The following CEACAM20 variants were observed in gnomAD, a reference collection of about 807,000 sequenced individuals.
CEACAM20 encodes cell adhesion molecule CEACAM20.
In CEACAM20, 50 loss-of-function variants were observed where a neutral mutation model predicts 61.2. The ratio of observed to expected loss-of-function variants is 0.82; its 90% CI spans 0.65 to 1.03. The LOEUF is 1.03. Among genes scored for constraint, CEACAM20 ranks in the 50% least tolerant of loss-of-function variants. CEACAM20 has a pLI of 0.00. For synonymous variants in CEACAM20, 282 were observed against 287.7 expected (o/e 0.98, Z 0.20); for missense variants, 683 against 736.4 (o/e 0.93, Z 0.84).
chr19:44,529,325 TCTCTGCCTCCATCTC>T, intron 1 of CEACAM20, 118 bp downstream of exon 1: 1 of 781,838 alleles, frequency 1.3e-6, no homozygotes, highest in Non-Finnish European at 2.1e-6. Context: ...CTATTTTTTT[TCTCTGCCTCCATCTC>T]TTTTTCCTCG....
At chr19:44,522,449 G>A (rs1432184879) in intron 4 of CEACAM20, among the ~76,000 whole-genome samples, 185 bp downstream of exon 4, 1 of 151,978 alleles carries the variant, frequency 6.6e-6, no homozygotes, top group East Asian at 1.9e-4. Context: ...AAAATCTGAT[G>A]ACAATCCTAG....
At chr19:44,512,131 A>C in intron 8 of CEACAM20, 53 bp from the exon 9 acceptor site, 1 of 1,419,926 alleles carries the variant, frequency 7.0e-7, no homozygotes, top group Non-Finnish European at 9.8e-7. Flanking sequence ...GATATGGGGC[A>C]AGGGGCTGTT....
chr19:44,524,015 C>A lies in CEACAM20; in HGVS notation c.443G>T (p.Arg148Met). The change falls in exon 3 of 12, where the codon AGG becomes ATG. Residue 148 changes from arginine (R) to methionine (M), a missense_variant. Arg to Met is a moderately conservative substitution (Grantham distance 91). Coordinates refer to ENST00000614924, the MANE Select transcript of CEACAM20 (RefSeq NM_001102597.3). ...CEARDALLSQRSDPIFLDVKY... is the reference protein window; with the variant it reads ...CEARDALLSQMSDPIFLDVKY... The stretch of plus-strand genomic sequence containing the variant: ...CACATCCAGGAAGATGGGGTCGCTC[C>A]TCTGGCTCAGAAGGGCATCTCGAGC... 6.4e-7 allele frequency: 1 copy of A among 1,553,610 alleles called. No homozygotes were observed. The highest frequency in any genetic ancestry group is 2.4e-5 in the East Asian group (1 of 41,312).
chr19:44,529,517 G>C lies in CEACAM20; in HGVS notation c.-8C>G. ...TGAGTCAGCAGGCCCCATGGGTCCCGGCACCTGACTTCAGTGTGCCAGGCC... is the reference window on the plus strand; with the variant it reads ...TGAGTCAGCAGGCCCCATGGGTCCCCGCACCTGACTTCAGTGTGCCAGGCC... On this transcript the variant is annotated 5_prime_UTR_variant, in exon 1 of 12. Transcript: ENST00000614924. 1 of 1,613,464 alleles carries C rather than the reference G, an allele frequency of 6.2e-7. No individual in the cohort carries two copies. Among genetic ancestry groups the C allele is most frequent in the Non-Finnish European group, 8.5e-7 (1 of 1,179,706 alleles).
intron 1 of CEACAM20, among the ~76,000 whole-genome samples, 198 bp from the exon 2 acceptor site, chr19:44,525,442 GT>G (rs765843434): frequency 2.2e-4 from 33 of 152,042 alleles, no homozygotes; most frequent in Non-Finnish European, 4.1e-4. Context: ...TTGTGTATGT[GT>G]TTTTGTTTTT....
At chr19:44,516,058 C>T (rs1971144572) in intron 6 of CEACAM20, among the ~76,000 whole-genome samples, 1 of 152,170 alleles carries the variant, frequency 6.6e-6, no homozygotes, top group Non-Finnish European at 1.5e-5. Flanking sequence ...TTATGTTTTA[C>T]AGATAATAAA....
chr19:44,517,237 C>A lies in CEACAM20; in HGVS notation c.1031-13G>T, dbSNP rs755623683. The A allele has an allele frequency of 2.5e-6, 4 of 1,599,186 alleles. No homozygotes were observed. The highest frequency in any genetic ancestry group is 3.4e-6 in the Non-Finnish European group (4 of 1,176,926). ...TGGTCAGGACCATCTGTGTGTAAAG[C>A]CAAACGTGATGCACCCTGGCCCCCA... On this transcript the variant is annotated splice_polypyrimidine_tract_variant and intron_variant, in intron 5 of 11. Transcript: ENST00000614924.
chr19:44,525,591 G>A (rs1252495461), intron 1 of CEACAM20, among the ~76,000 whole-genome samples: 1 of 152,044 alleles, frequency 6.6e-6, no homozygotes, highest in Non-Finnish European at 1.5e-5. Flanking sequence ...TAGAGGCACA[G>A]GCCACCATGC....
chr19:44,515,258 G>GATGATGA (rs1971122773), intron 6 of CEACAM20, among the ~76,000 whole-genome samples: 1 of 126,536 alleles, frequency 7.9e-6, no homozygotes, highest in African/African-American at 3.2e-5. Context: ...GATGATGATA[G>GATGATGA]AAGCTGCTAT....
chr19:44,507,761 T>C (rs946437486), intron 11 of CEACAM20, among the ~76,000 whole-genome samples: 1 of 152,218 alleles, frequency 6.6e-6, no homozygotes, highest in Admixed American at 6.5e-5. Context: ...CCAGGTGCAG[T>C]GGCTTGCGTC....
chr19:44,519,080 A>G (rs1396158447), intron 5 of CEACAM20, among the ~76,000 whole-genome samples: 2 of 151,970 alleles, frequency 1.3e-5, no homozygotes, highest in Non-Finnish European at 2.9e-5. Flanking sequence ...CCCTCTGTCT[A>G]GAATGCTCTT....
chr19:44,518,258 G>C lies in CEACAM20; in HGVS notation c.1031-1034C>G, dbSNP rs145466979. ...AGAAAGGAAGGAAGGAAGGAAGGAA[G>C]GAAAGGAGGGAAATTGTGGCTGCGT... On this transcript the variant is annotated intron_variant, in intron 5 of 11. Transcript: ENST00000614924. Among the ~76,000 whole-genome samples the C allele has an allele frequency of 8.3e-3, 1,249 of 150,542 alleles. 29 individuals carry two copies. Among genetic ancestry groups the C allele is most frequent in the African/African-American group, 0.03 (1,206 of 40,410 alleles).
intron 9 of CEACAM20, 85 bp from the exon 10 acceptor site, chr19:44,511,757 A>G (rs1166494922): frequency 8.7e-6 from 12 of 1,378,874 alleles, no homozygotes; most frequent in Non-Finnish European, 1.2e-5. Flanking sequence ...CTTTGGCCTC[A>G]GAGGCAATTA....
At chr19:44,510,160 G>A (rs2123551147) in intron 11 of CEACAM20, among the ~76,000 whole-genome samples, 1 of 152,154 alleles carries the variant, frequency 6.6e-6, no homozygotes, top group Admixed American at 6.6e-5. Flanking sequence ...AATGAAATAA[G>A]AAAGAGATGG....
chr19:44,522,189 C>T (rs530196279), intron 4 of CEACAM20, among the ~76,000 whole-genome samples: 13 of 152,036 alleles, frequency 8.6e-5, no homozygotes, highest in South Asian at 4.2e-4. Flanking sequence ...CTGCAAGCTC[C>T]GCCTCCCAGG....
intron 4 of CEACAM20, among the ~76,000 whole-genome samples, chr19:44,522,393 G>A (rs1971392234): frequency 6.6e-6 from 1 of 152,076 alleles, no homozygotes; most frequent in South Asian, 2.1e-4. Context: ...GTGAGCCACT[G>A]CACCCGGCCT....
At chr19:44,514,453 C>CG (rs1555742677) in intron 6 of CEACAM20, among the ~76,000 whole-genome samples, 2 of 145,458 alleles carry the variant, frequency 1.4e-5, no homozygotes, top group East Asian at 4.0e-4. Flanking sequence ...TGCATCTCCA[C>CG]TTTTTTTTTT....
At position 44,524,225 on chromosome 19, in the gene CEACAM20, G is replaced by C; in HGVS notation, c.233C>G (p.Thr78Ser). The C allele has an allele frequency of 1.2e-6, 2 of 1,613,890 alleles. No homozygotes were observed. The highest frequency in any genetic ancestry group is 4.5e-5 in the East Asian group (2 of 44,886). Reference sequence around the variant, plus strand: ...CACCATGTCCTTCTGCTCTATGGCAGTGCCTGGGCTGACTGCAATGGAGGG... The same window carrying C: ...CACCATGTCCTTCTGCTCTATGGCACTGCCTGGGCTGACTGCAATGGAGGG... ...AKPSIAVSPG[T>S]AIEQKDMVTF... is the part of the protein sequence containing the mutation. The change falls in exon 3 of 12, where the codon ACT becomes AGT. Residue 78 changes from threonine to serine, a missense_variant. Thr to Ser is a moderately conservative substitution (Grantham distance 58). Transcript: ENST00000614924.
At chr19:44,522,946 C>A in intron 3 of CEACAM20, 34 bp from the exon 4 acceptor site, 1 of 1,554,576 alleles carries the variant, frequency 6.4e-7, no homozygotes, top group Non-Finnish European at 8.8e-7. Flanking sequence ...GCAGTAACAA[C>A]AGCATCAGCA....
Sources: allele counts gnomAD v4.1 joint callset (sites outside exome capture counted in the v4.1 genomes callset), GRCh38; gene constraint gnomAD v4.1.1; transcripts MANE v1.5; gene names NCBI Gene and HGNC (gene_info 2026-07-23, HGNC 2026-07-21).